The following PAK3 variants were observed in gnomAD, a reference collection of about 807,000 sequenced individuals.
The protein encoded by PAK3 is p21 (RAC1) activated kinase 3.
In PAK3, 4 loss-of-function variants were observed where a neutral mutation model predicts 41.0. The ratio of observed to expected loss-of-function variants is 0.10; its 90% CI spans 0.05 to 0.22. The LOEUF is 0.22. PAK3 is among the 10% of genes least tolerant of loss of function. The pLI is 1.00. For synonymous variants in PAK3, 146 were observed against 139.6 expected, an observed-to-expected ratio of 1.05 and a Z score of -0.32; for missense variants, 205 against 409.9, an observed-to-expected ratio of 0.50 and a Z score of 4.32.
intron 1 of PAK3, among the ~76,000 whole-genome samples, chrX:111,008,183 ATCT>A (rs1396052111): frequency 8.9e-6 from 1 of 112,141 alleles, no homozygotes; most frequent in East Asian, 2.8e-4. Context: ...TAGTTGTGCA[ATCT>A]TGGATGAGTT....
chrX:111,022,417 C>G (rs752808188), intron 1 of PAK3, among the ~76,000 whole-genome samples: 1 of 111,574 alleles, frequency 9.0e-6, no homozygotes, highest in Admixed American at 9.6e-5. Flanking sequence ...AATTTTGTAT[C>G]CAGAGCAACT....
chrX:111,125,041 G>A (rs2093628789), intron 5 of PAK3, among the ~76,000 whole-genome samples: 2 of 111,708 alleles, frequency 1.8e-5, no homozygotes, highest in Non-Finnish European at 3.8e-5. Flanking sequence ...CATTCAGGAA[G>A]GCTTATTATA....
chrX:111,189,273 A>G (rs2094540510), intron 11 of PAK3, among the ~76,000 whole-genome samples: 1 of 112,095 alleles, frequency 8.9e-6, no homozygotes, highest in Non-Finnish European at 1.9e-5. Context: ...TTATGGTTGC[A>G]TAATATTCCA....
intron 8 of PAK3, among the ~76,000 whole-genome samples, chrX:111,158,087 T>A (rs2094129788): frequency 8.9e-6 from 1 of 111,894 alleles, no homozygotes; most frequent in South Asian, 3.7e-4. Flanking sequence ...TCTTTGTGTC[T>A]TAAGAAGGGG....
chrX:111,181,024 G>T (rs1170432373), intron 11 of PAK3, among the ~76,000 whole-genome samples: 1 of 111,643 alleles, frequency 9.0e-6, no homozygotes, highest in Non-Finnish European at 1.9e-5. Flanking sequence ...GTATGAGAGT[G>T]CCGGTTTGCC....
intron 5 of PAK3, among the ~76,000 whole-genome samples, chrX:111,133,697 A>G (rs1159650): frequency 0.17 from 19,263 of 111,392 alleles, 3,415 homozygotes; most frequent in African/African-American, 0.54. Flanking sequence ...GAACTAGTCA[A>G]ACTATGTGTT....
chrX:111,030,826 C>G (rs950497787), intron 1 of PAK3, among the ~76,000 whole-genome samples: 2 of 111,792 alleles, frequency 1.8e-5, no homozygotes, highest in Non-Finnish European at 3.8e-5. Context: ...ATGTACCTAA[C>G]AGTGATACAA....
chrX:111,147,851 A>G lies in PAK3; in HGVS notation c.391A>G (p.Thr131Ala), dbSNP rs1286789180. 1 of 1,188,363 alleles carries G rather than the reference A, an allele frequency of 8.4e-7. No homozygotes were observed. Among genetic ancestry groups the G allele is most frequent in the Non-Finnish European group, 1.1e-6 (1 of 874,078 alleles). Residue 131 changes from threonine to alanine, a missense_variant, in exon 7 of 18, where the codon ACA becomes GCA. Physicochemically the swap from Thr to Ala is moderately conservative, Grantham distance 58 (BLOSUM62 0). Around this residue, in one of 5 missense-constraint regions of PAK3, gnomAD observed 22 missense variants for 83.5 expected, o/e 0.26. Coordinates refer to ENST00000372007, the MANE Select transcript of PAK3 (RefSeq NM_002578.5). Reference protein sequence around the residue: ...DVLKFYDSKETVNNQKYMSFT... With the variant: ...DVLKFYDSKEAVNNQKYMSFT... Reference sequence around the variant, plus strand: ...TCTCAAATTCTATGATTCCAAAGAAACAGTCAACAACCAGAAATACATGAG... The same window carrying G: ...TCTCAAATTCTATGATTCCAAAGAAGCAGTCAACAACCAGAAATACATGAG...
At chrX:110,963,440 A>T (rs1466204814) in intron 1 of PAK3, among the ~76,000 whole-genome samples, 3 of 111,763 alleles carry the variant, frequency 2.7e-5, no homozygotes, top group Non-Finnish European at 5.6e-5. Context: ...GGGAAAGTGC[A>T]CACTCTTACC....
At chrX:111,128,137 G>A (rs1158488081) in intron 5 of PAK3, among the ~76,000 whole-genome samples, 3 of 112,151 alleles carry the variant, frequency 2.7e-5, no homozygotes, top group Admixed American at 9.4e-5. Flanking sequence ...TCTGTGTGAC[G>A]TCTGTGTCTA....
intron 8 of PAK3, 111 bp from the exon 9 acceptor site, chrX:111,162,804 T>C: frequency 1.4e-6 from 1 of 696,950 alleles, no homozygotes; most frequent in Non-Finnish European, 2.3e-6. Flanking sequence ...GTGAAAGATG[T>C]AGTTTCCTCC....
At chrX:111,019,721 AAGG>A (rs2092148259) in intron 1 of PAK3, among the ~76,000 whole-genome samples, 1 of 15,387 alleles carries the variant, frequency 6.5e-5, no homozygotes, top group Admixed American at 1.3e-3. Context: ...AGAAAAGAAA[AAGG>A]GGGGGGGGCA....
At chrX:111,211,156 G>T (rs2094814904) in intron 16 of PAK3, among the ~76,000 whole-genome samples, 1 of 111,143 alleles carries the variant, frequency 9.0e-6, no homozygotes, top group Admixed American at 9.6e-5. Flanking sequence ...CAGTGTGTAT[G>T]TGTGTGGCGG....
chrX:111,224,598 G>T lies in PAK3; in HGVS notation c.*4151G>T, dbSNP rs2094944331. On this transcript the variant is annotated 3_prime_UTR_variant, in exon 18 of 18. Coordinates refer to ENST00000372007, the MANE Select transcript of PAK3 (RefSeq NM_002578.5). ...TATGTAGGACTGTCTCTGCCTGTTG[G>T]CATTCAGTTATAGTTCTGTTAATTT... is the stretch of plus-strand genomic sequence containing the variant. The T allele has an allele frequency of 8.9e-6, 1 of 112,470 alleles. No homozygotes were observed. Among genetic ancestry groups the T allele is most frequent in the South Asian group, 3.7e-4 (1 of 2,693 alleles). 9.3% of individuals were successfully genotyped at this position (112,470 alleles called of 1,213,427 possible).
intron 1 of PAK3, among the ~76,000 whole-genome samples, chrX:110,984,628 C>A (rs930677644): frequency 4.5e-5 from 5 of 111,942 alleles, no homozygotes; most frequent in African/African-American, 9.7e-5. Context: ...ATGACTCTGG[C>A]AAACTTTCTT....
intron 1 of PAK3, among the ~76,000 whole-genome samples, chrX:111,082,222 G>A (rs769123556): frequency 1.9e-4 from 21 of 111,685 alleles, no homozygotes; most frequent in Non-Finnish European, 3.8e-4. Flanking sequence ...GAGAGTGAGA[G>A]TGGAAGAACA....
chrX:111,099,839 G>A (rs2093091698), intron 3 of PAK3, among the ~76,000 whole-genome samples: 1 of 105,541 alleles, frequency 9.5e-6, no homozygotes, highest in African/African-American at 3.5e-5. Context: ...GATGAACTTG[G>A]CACTAGTTGT....
intron 16 of PAK3, among the ~76,000 whole-genome samples, chrX:111,207,380 A>G (rs2094765472): frequency 9.0e-6 from 1 of 110,979 alleles, no homozygotes; most frequent in Non-Finnish European, 1.9e-5. Flanking sequence ...TTTTTCTTGT[A>G]GTTATTCCCA....
chrX:111,147,056 A>T (rs1010332677), intron 6 of PAK3, among the ~76,000 whole-genome samples: 1 of 110,835 alleles, frequency 9.0e-6, no homozygotes, highest in African/African-American at 3.3e-5. Flanking sequence ...AGGAAGGGAG[A>T]GAGAGAGGAG....
Sources: gnomAD v4.1 joint callset for allele counts (sites outside exome capture counted in the v4.1 genomes callset) on GRCh38, gnomAD v4.1.1 for gene constraint, gnomAD v4.1.1 regional missense constraint, MANE v1.5 for transcripts, NCBI Gene and HGNC (gene_info 2026-07-23, HGNC 2026-07-21) for gene names.